EYS: variants seen among roughly 807,000 people sequenced by gnomAD.
The protein encoded by EYS is EGF-like photoreceptor maintenance factor, also known as protein eyes shut homolog.
In EYS, 250 loss-of-function variants were observed where a neutral mutation model predicts 282.1. The observed-to-expected ratio is 0.89, with a 90% CI of 0.80 to 0.98. EYS has a LOEUF of 0.98. EYS is among the 50% of genes least tolerant of loss of function. The pLI, the probability that EYS is intolerant of heterozygous loss-of-function variation, is 0.00. For missense variants in EYS, 4,016 were observed against 3,709.0 expected (o/e 1.08, Z -2.15); for synonymous variants, 1,355 against 1,282.9 (o/e 1.06, Z -1.20).
At chr6:64,423,899 G>A (rs1386748285) in intron 28 of EYS, among the ~76,000 whole-genome samples, 2 of 152,128 alleles carry the variant, frequency 1.3e-5, no homozygotes, top group African/African-American at 4.8e-5. Context: ...TAAGTTGCTT[G>A]TATATAAACT....
intron 12 of EYS, among the ~76,000 whole-genome samples, chr6:65,246,943 G>C (rs558380579): frequency 1.3e-5 from 2 of 152,098 alleles, no homozygotes; most frequent in East Asian, 3.9e-4. Context: ...AATAAACTCA[G>C]AAATGAAGAG....
At chr6:65,549,110 C>T in intron 2 of EYS, among the ~76,000 whole-genome samples, 1 of 152,182 alleles carries the variant, frequency 6.6e-6, no homozygotes, top group East Asian at 1.9e-4. Context: ...CTCACCCTCC[C>T]CTCACCTCCT....
intron 22 of EYS, among the ~76,000 whole-genome samples, chr6:64,689,181 A>G (rs1302545866): frequency 6.6e-6 from 1 of 152,194 alleles, no homozygotes; most frequent in Non-Finnish European, 1.5e-5. Flanking sequence ...CTAATAACAG[A>G]CAAACAGAGA....
chr6:63,910,947 C>G (rs596361), intron 35 of EYS, among the ~76,000 whole-genome samples: 149,987 of 152,310 alleles, frequency 0.98, 73,885 homozygotes, highest in Middle Eastern at 1. Context: ...AGAAATAAAA[C>G]ATATTTCTCA....
rs1350828183 is a variant in EYS at position 65,586,908 on chromosome 6, T to TC, written c.-333+52869_-333+52870insG. On this transcript the variant is annotated intron_variant, in intron 2 of 42. Coordinates refer to ENST00000503581, the MANE Select transcript of EYS (RefSeq NM_001142800.2). ...AATGCCTTAGTAATTTCAGTACGAT[T>TC]TTTTTTCTTAGATGTCAAACATCTT... Among the ~76,000 whole-genome samples the TC allele has an allele frequency of 3.9e-5, 6 of 152,200 alleles. No individual in the cohort carries two copies. In the South Asian group the frequency reaches 1.2e-3, roughly 32 times the overall value.
chr6:64,924,098 T>C (rs1053075557), intron 15 of EYS, among the ~76,000 whole-genome samples: 1 of 152,150 alleles, frequency 6.6e-6, no homozygotes, highest in Non-Finnish European at 1.5e-5. Flanking sequence ...CCCCGCCCCT[T>C]CAGCAAATTT....
intron 1 of EYS, among the ~76,000 whole-genome samples, chr6:65,678,123 T>C (rs1186712687): frequency 6.6e-6 from 1 of 151,972 alleles, no homozygotes; most frequent in Non-Finnish European, 1.5e-5. Flanking sequence ...GCATGTCACA[T>C]GATGAGAGCG....
chr6:64,167,377 A>C (rs1413187978), intron 31 of EYS, among the ~76,000 whole-genome samples: 2 of 152,224 alleles, frequency 1.3e-5, no homozygotes, highest in African/African-American at 4.8e-5. Context: ...AGTTCCTGAG[A>C]GTAAAATGAT....
intron 2 of EYS, among the ~76,000 whole-genome samples, chr6:65,558,279 G>A (rs924933856): frequency 2.0e-5 from 3 of 152,208 alleles, no homozygotes; most frequent in Non-Finnish European, 2.9e-5. Flanking sequence ...GCCTGGAGGG[G>A]GTCAAGGCGG....
intron 2 of EYS, among the ~76,000 whole-genome samples, chr6:65,566,432 TG>T (rs1769283531): frequency 6.6e-6 from 1 of 152,146 alleles, no homozygotes; most frequent in South Asian, 2.1e-4. Context: ...TTAAGAGCCT[TG>T]AACCAACAAT....
rs185496261 is a variant in EYS at position 65,567,826 on chromosome 6, T to G, written c.-332-71833A>C. ...TGTCTTTGAATATTGCTCCCTTAAGTGGGCCTCTCTGGACCCTTAACTGAA... is the reference window on the plus strand; with the variant it reads ...TGTCTTTGAATATTGCTCCCTTAAGGGGGCCTCTCTGGACCCTTAACTGAA... On this transcript the variant is annotated intron_variant, in intron 2 of 42. Transcript: ENST00000503581. Among the ~76,000 whole-genome samples the G allele has an allele frequency of 4.9e-4, 75 of 152,252 alleles. No individual in the cohort carries two copies. In the East Asian group the frequency reaches 0.01, roughly 21 times the overall value.
chr6:64,128,583 C>T (rs933289021), intron 31 of EYS, among the ~76,000 whole-genome samples: 2 of 152,120 alleles, frequency 1.3e-5, no homozygotes, highest in African/African-American at 2.4e-5. Flanking sequence ...TCCATGATCT[C>T]GTGAGCTCTA....
At chr6:65,705,068 A>G (rs529711618) in intron 1 of EYS, among the ~76,000 whole-genome samples, 47 of 152,222 alleles carry the variant, frequency 3.1e-4, no homozygotes, top group African/African-American at 1.1e-3. Flanking sequence ...GCATTTATTT[A>G]TATCAGTTGG....
intron 12 of EYS, among the ~76,000 whole-genome samples, chr6:65,095,546 A>G (rs1394998888): frequency 1.3e-5 from 2 of 151,306 alleles, no homozygotes; most frequent in East Asian, 3.9e-4. Context: ...GTTGGGCACA[A>G]TGAATATACA....
At chr6:65,380,052 A>G (rs1383010597) in intron 8 of EYS, among the ~76,000 whole-genome samples, 1 of 152,112 alleles carries the variant, frequency 6.6e-6, no homozygotes, top group Non-Finnish European at 1.5e-5. Context: ...GCCCAAAGAA[A>G]TTTATAGATT....
intron 26 of EYS, among the ~76,000 whole-genome samples, chr6:64,521,819 C>G (rs1465105316): frequency 6.6e-6 from 1 of 151,750 alleles, no homozygotes. Flanking sequence ...GTGATTCAAT[C>G]ACTTGTTCAC....
At chr6:64,992,264 A>C (rs1411728676) in intron 14 of EYS, among the ~76,000 whole-genome samples, 2 of 151,884 alleles carry the variant, frequency 1.3e-5, no homozygotes, top group Non-Finnish European at 2.9e-5. Context: ...ACTTGTATGA[A>C]TACTATAAGA....
rs3033918 is a variant in EYS at position 65,012,810 on chromosome 6, C to CAAAA, written c.2138-15111_2138-15108dup. 8.3e-3 allele frequency among the ~76,000 whole-genome samples: 982 copies of CAAAA among 117,620 alleles called. 13 individuals carry two copies. The highest frequency in any genetic ancestry group is 0.029 in the African/African-American group (948 of 33,086). The allele number at this position is 117,620 out of a possible 152,430, so 77.2% of individuals were successfully genotyped here. On this transcript the variant is annotated intron_variant, in intron 13 of 42. Transcript: ENST00000503581. ...TCAGGACTTCACTTTCCAAGTACAG[C>CAAAA]AAAAAAAAAAAAAAAATGAAAAAAA...
At chr6:64,563,230 G>C (rs1582897986) in intron 26 of EYS, among the ~76,000 whole-genome samples, 1 of 151,788 alleles carries the variant, frequency 6.6e-6, no homozygotes, top group Non-Finnish European at 1.5e-5. Context: ...ATTTTCTCTG[G>C]ACTTAGAGCT....
Sources: gnomAD v4.1 joint callset for allele counts (sites outside exome capture counted in the v4.1 genomes callset) on GRCh38, gnomAD v4.1.1 for gene constraint, MANE v1.5 for transcripts, NCBI Gene and HGNC (gene_info 2026-07-23, HGNC 2026-07-21) for gene names.